SPON1: variants seen among roughly 807,000 people sequenced by gnomAD.
SPON1 encodes the protein spondin-1.
Under a neutral mutation model 111.7 loss-of-function variants are expected in SPON1, and 52 were observed. The ratio of observed to expected loss-of-function variants is 0.47; its 90% confidence interval spans 0.37 to 0.59. The LOEUF is 0.59. Ranked by LOEUF, SPON1 falls within the 20% of genes least tolerant of loss-of-function variation. SPON1 has a pLI of 0.00. For missense variants in SPON1, 957 were observed against 1,068.5 expected (o/e 0.90, Z 1.46); for synonymous variants, 410 against 395.8 (o/e 1.04, Z -0.43).
intron 2 of SPON1, among the ~76,000 whole-genome samples, chr11:14,024,540 G>T (rs1848504032): frequency 6.6e-6 from 1 of 152,152 alleles, no homozygotes; most frequent in Non-Finnish European, 1.5e-5. Context: ...AGTCCGCATT[G>T]TTCCACCATC....
At chr11:14,084,343 C>T (rs782620663) in intron 5 of SPON1, among the ~76,000 whole-genome samples, 17 of 152,150 alleles carry the variant, frequency 1.1e-4, no homozygotes, top group Non-Finnish European at 2.1e-4. Context: ...GTTCCCCTCC[C>T]TGTGTCCATG....
chr11:14,208,170 A>G (rs1308716057), intron 6 of SPON1, among the ~76,000 whole-genome samples: 1 of 152,194 alleles, frequency 6.6e-6, no homozygotes, highest in Non-Finnish European at 1.5e-5. Flanking sequence ...ACATGGACAC[A>G]TAGAGGGGAA....
chr11:14,191,114 AAAG>A (rs1295746287), intron 6 of SPON1, among the ~76,000 whole-genome samples: 2 of 152,308 alleles, frequency 1.3e-5, no homozygotes, highest in Admixed American at 1.3e-4. Context: ...AAGTTCCTCA[AAAG>A]AAGAGTGAAA....
intron 6 of SPON1, among the ~76,000 whole-genome samples, chr11:14,212,224 T>C (rs1363561841): frequency 6.6e-6 from 1 of 152,180 alleles, no homozygotes; most frequent in African/African-American, 2.4e-5. Context: ...GCAGTCAGCA[T>C]AGCTTGGGAA....
chr11:13,987,702 C>A (rs1554910603), intron 2 of SPON1, among the ~76,000 whole-genome samples: 1 of 152,048 alleles, frequency 6.6e-6, no homozygotes, highest in African/African-American at 2.4e-5. Context: ...ATTTAAGTTT[C>A]TGATCCACCT....
intron 6 of SPON1, among the ~76,000 whole-genome samples, chr11:14,198,721 G>A (rs1848428615): frequency 6.6e-6 from 1 of 152,186 alleles, no homozygotes. Flanking sequence ...ACCTGAGGGA[G>A]GGTTCTCAAG....
At chr11:14,122,970 G>A (rs1288465853) in intron 5 of SPON1, among the ~76,000 whole-genome samples, 1 of 126,914 alleles carries the variant, frequency 7.9e-6, no homozygotes, top group Non-Finnish European at 1.6e-5. Context: ...ATCTCCTTCT[G>A]TCACCCAGGC....
intron 7 of SPON1, among the ~76,000 whole-genome samples, chr11:14,250,453 C>T (rs563980083): frequency 2.0e-5 from 3 of 151,444 alleles, no homozygotes; most frequent in Non-Finnish European, 4.4e-5. Context: ...ACTTGTCGCA[C>T]AATCTTTCCT....
intron 2 of SPON1, among the ~76,000 whole-genome samples, chr11:14,014,034 T>C (rs1848425610): frequency 6.6e-6 from 1 of 152,158 alleles, no homozygotes; most frequent in Non-Finnish European, 1.5e-5. Flanking sequence ...CTTCTGACTG[T>C]CATCAAATTG....
chr11:14,091,486 T>C (rs1849057026), intron 5 of SPON1, among the ~76,000 whole-genome samples: 1 of 152,160 alleles, frequency 6.6e-6, no homozygotes, highest in Non-Finnish European at 1.5e-5. Context: ...GGAAGGCAGC[T>C]CAGGCTCGGT....
chr11:14,010,636 G>A (rs1554913622), intron 2 of SPON1, among the ~76,000 whole-genome samples: 2 of 152,184 alleles, frequency 1.3e-5, no homozygotes, highest in African/African-American at 4.8e-5. Context: ...GTGTCATAGG[G>A]AACACCACAC....
At chr11:14,041,768 C>T in intron 3 of SPON1, 114 bp downstream of exon 3, 1 of 1,175,906 alleles carries the variant, frequency 8.5e-7, no homozygotes, top group Non-Finnish European at 1.2e-6. Flanking sequence ...ATCTCTCTGC[C>T]CTCCCTTATC....
chr11:14,252,120 T>C (rs1268830545), intron 7 of SPON1, among the ~76,000 whole-genome samples: 2 of 152,244 alleles, frequency 1.3e-5, no homozygotes, highest in African/African-American at 4.8e-5. Context: ...ATACGCATAT[T>C]TGTTCAGTCG....
intron 6 of SPON1, among the ~76,000 whole-genome samples, chr11:14,178,043 C>T (rs1393897654): frequency 2.7e-5 from 4 of 145,620 alleles, no homozygotes; most frequent in African/African-American, 5.5e-5. Flanking sequence ...AACACACACA[C>T]AAACACACAC....
At chr11:14,027,286 C>T (rs895394972) in intron 2 of SPON1, among the ~76,000 whole-genome samples, 3 of 152,198 alleles carry the variant, frequency 2.0e-5, no homozygotes, top group Non-Finnish European at 2.9e-5. Context: ...TCCAAGCCCT[C>T]TTGGGGCACA....
intron 6 of SPON1, among the ~76,000 whole-genome samples, chr11:14,186,813 T>C (rs1346220556): frequency 1.3e-5 from 2 of 152,214 alleles, no homozygotes; most frequent in African/African-American, 4.8e-5. Context: ...AGCCAGATCT[T>C]CGTGTGAGAT....
chr11:14,128,781 C>G (rs1339435525), intron 5 of SPON1, among the ~76,000 whole-genome samples: 1 of 152,236 alleles, frequency 6.6e-6, no homozygotes, highest in Non-Finnish European at 1.5e-5. Flanking sequence ...CCAGGCATTT[C>G]CATACATCCT....
chr11:14,241,103 G>A (rs1474332466), intron 6 of SPON1, among the ~76,000 whole-genome samples: 2 of 152,102 alleles, frequency 1.3e-5, no homozygotes, highest in African/African-American at 4.8e-5. Flanking sequence ...CCTTACATGT[G>A]CATCGTAGAA....
At chr11:14,245,835 C>T (rs1317709650) in intron 7 of SPON1, among the ~76,000 whole-genome samples, 1 of 152,230 alleles carries the variant, frequency 6.6e-6, no homozygotes, top group Non-Finnish European at 1.5e-5. Flanking sequence ...CAAGGAGAAG[C>T]AACACGAGGC....
Sources: gnomAD v4.1 joint callset for allele counts (sites outside exome capture counted in the v4.1 genomes callset) on GRCh38, gnomAD v4.1.1 for gene constraint, MANE v1.5 for transcripts, NCBI Gene and HGNC (gene_info 2026-07-23, HGNC 2026-07-21) for gene names.